LMF1: variants seen among roughly 807,000 people sequenced by gnomAD.
The protein encoded by LMF1 is transmembrane protein 112.
LMF1 carries 68 observed loss-of-function variants against 60.6 expected under a neutral mutation model. The ratio of observed to expected loss-of-function variants is 1.12; its 90% CI spans 0.92 to 1.37. The LOEUF (loss-of-function observed/expected upper bound fraction) is 1.37. LMF1 is among the 40% of genes most tolerant of loss of function. LMF1 has a pLI of 0.00. For missense variants in LMF1, 948 were observed against 767.2 expected, an observed-to-expected ratio of 1.24 and a Z score of -2.78; for synonymous variants, 418 against 324.7, an observed-to-expected ratio of 1.29 and a Z score of -3.09.
At chr16:968,895 C>G (rs941298582) in intron 1 of LMF1, 1 of 152,204 alleles carries the variant, frequency 6.6e-6, no homozygotes, top group African/African-American at 2.4e-5. Flanking sequence ...GTATCTCGGG[C>G]TCCCCTGTGG....
intron 10 of LMF1, chr16:854,966 C>T: frequency 1.8e-6 from 1 of 562,000 alleles, no homozygotes; most frequent in Non-Finnish European, 3.2e-6. Flanking sequence ...GGAGACCCAG[C>T]AGGGCCCACT....
At chr16:862,046 T>C (rs2069481413) in intron 10 of LMF1, among the ~76,000 whole-genome samples, 1 of 152,232 alleles carries the variant, frequency 6.6e-6, no homozygotes, top group Non-Finnish European at 1.5e-5. Flanking sequence ...GTGAGTTATC[T>C]TCGGTAGCTG....
chr16:947,640 T>A (rs1237787718), intron 2 of LMF1: 1 of 455,506 alleles, frequency 2.2e-6, no homozygotes, highest in Non-Finnish European at 4.4e-6. Flanking sequence ...CTGGAGAGGA[T>A]CTTTCCTTCC....
rs1215237442 is a variant in LMF1 at position 910,831 on chromosome 16, G to A, written c.663+100C>T. On this transcript the variant is annotated intron_variant, in intron 4 of 10. Coordinates refer to ENST00000262301, the MANE Select transcript of LMF1 (RefSeq NM_022773.4). ...CCAGGCCGACAGGAGGACAGAGGGCGGCGGGGGAGGAAGGAAACAGCCTCA... is the reference window on the plus strand; with the variant it reads ...CCAGGCCGACAGGAGGACAGAGGGCAGCGGGGGAGGAAGGAAACAGCCTCA... The A allele has an allele frequency of 1.9e-5, 28 of 1,472,930 alleles. No individual in the cohort carries two copies. In the East Asian group the frequency reaches 2.5e-4, roughly 13 times the overall value. 91.2% of individuals were successfully genotyped at this position (1,472,930 alleles called of 1,614,324 possible).
At chr16:949,225 C>CG (rs2072360034) in intron 2 of LMF1, among the ~76,000 whole-genome samples, 1 of 139,670 alleles carries the variant, frequency 7.2e-6, no homozygotes. Context: ...AGTCAGCCAA[C>CG]AACAGAGTCA....
intron 4 of LMF1, chr16:902,153 G>C (rs1370857361): frequency 6.6e-6 from 1 of 152,560 alleles, no homozygotes; most frequent in East Asian, 1.9e-4. Context: ...TCCAGGGCCT[G>C]AGGGGAGCTC....
intron 3 of LMF1, among the ~76,000 whole-genome samples, chr16:916,781 C>T (rs749171880): frequency 6.6e-6 from 1 of 152,264 alleles, no homozygotes; most frequent in Non-Finnish European, 1.5e-5. Flanking sequence ...CTGAGGCCTG[C>T]GGCCTTGGGA....
intron 3 of LMF1, among the ~76,000 whole-genome samples, chr16:917,255 C>T (rs747360708): frequency 6.6e-6 from 1 of 152,164 alleles, no homozygotes; most frequent in Non-Finnish European, 1.5e-5. Flanking sequence ...AGAGCACATG[C>T]TGCGCAGGCC....
Position 870,067 on chromosome 16 carries a change from C to T in LMF1, c.1233-1G>A. On this transcript the variant is annotated splice_acceptor_variant, in intron 8 of 10. Coordinates refer to ENST00000262301, the MANE Select transcript of LMF1 (RefSeq NM_022773.4). LOFTEE classifies it high-confidence loss of function. ...CACCTCCGCCCGCTCCTTGGTGATG[C>T]TGCCGGGAGACCGAGGCAGGCCAGG... 6.2e-7 allele frequency: 1 copy of T among 1,606,428 alleles called. No homozygotes were observed.
At chr16:889,049 AGCGGGCCCTTGGCCT>A (rs1186359808) in intron 5 of LMF1, among the ~76,000 whole-genome samples, 4 of 152,076 alleles carry the variant, frequency 2.6e-5, no homozygotes, top group African/African-American at 9.7e-5. Flanking sequence ...GTCTCATGGG[AGCGGGCCCTTGGCCT>A]GCGGGGTCTG....
At chr16:869,670 G>A (rs1381677746) in intron 9 of LMF1, 1 of 656,230 alleles carries the variant, frequency 1.5e-6, no homozygotes, top group Admixed American at 2.2e-5. Flanking sequence ...GCAGACCCGG[G>A]GGGACGGTGG....
At chr16:920,226 G>A (rs1207794358) in intron 3 of LMF1, among the ~76,000 whole-genome samples, 1 of 151,798 alleles carries the variant, frequency 6.6e-6, no homozygotes, top group Non-Finnish European at 1.5e-5. Flanking sequence ...CCCCCGACAC[G>A]ACATCCACAC....
At chr16:924,202 A>T (rs1008656240) in intron 3 of LMF1, among the ~76,000 whole-genome samples, 1 of 152,240 alleles carries the variant, frequency 6.6e-6, no homozygotes. Flanking sequence ...TCATAAGAGG[A>T]CATGTATACA....
intron 6 of LMF1, among the ~76,000 whole-genome samples, chr16:875,716 G>C (rs1353539268): frequency 6.6e-6 from 1 of 152,210 alleles, no homozygotes; most frequent in African/African-American, 2.4e-5. Flanking sequence ...TGCCTGGGCT[G>C]TGTGTCCAGG....
At position 884,755 on chromosome 16, in the gene LMF1, C is replaced by T. The variant is rs555396773; in HGVS notation, c.730-5018G>A. Among the ~76,000 whole-genome samples the T allele has an allele frequency of 1.0e-4, 15 of 147,888 alleles. No homozygotes were observed. In the South Asian group the frequency reaches 1.1e-3, roughly 11 times the overall value. On this transcript the variant is annotated intron_variant, in intron 5 of 10. Coordinates refer to ENST00000262301, the MANE Select transcript of LMF1 (RefSeq NM_022773.4). Reference sequence around the variant, plus strand: ...TCACGGATGGAAACCTCGGTCTCCACGCAGGAGTGAAGAGCTCTGGAAATG... The same window carrying T: ...TCACGGATGGAAACCTCGGTCTCCATGCAGGAGTGAAGAGCTCTGGAAATG...
upstream of LMF1, among the ~76,000 whole-genome samples, chr16:972,622 G>C (rs1596180315): frequency 6.6e-6 from 1 of 152,350 alleles, no homozygotes; most frequent in East Asian, 1.9e-4. Context: ...ACGGCGAGAG[G>C]GACTGCCCTG....
chr16:910,800 G>C, intron 4 of LMF1, 131 bp downstream of exon 4: 1 of 1,150,588 alleles, frequency 8.7e-7, no homozygotes, highest in Non-Finnish European at 1.2e-6. Context: ...TGCGCAGCTG[G>C]CCAGGCCAGG....
chr16:890,586 C>G (rs1463101005), intron 5 of LMF1, among the ~76,000 whole-genome samples: 1 of 152,232 alleles, frequency 6.6e-6, no homozygotes, highest in African/African-American at 2.4e-5. Flanking sequence ...ACCCTGCACT[C>G]CAGCCTCAGT....
chr16:973,213 C>T (rs954509582), upstream of LMF1, among the ~76,000 whole-genome samples: 7 of 152,064 alleles, frequency 4.6e-5, no homozygotes, highest in Admixed American at 1.3e-4. Context: ...GGTGTGGTGG[C>T]GGGCACCTGT....
Sources: gnomAD v4.1 joint callset for allele counts (sites outside exome capture counted in the v4.1 genomes callset) on GRCh38, gnomAD v4.1.1 for gene constraint, MANE v1.5 for transcripts, NCBI Gene and HGNC (gene_info 2026-07-23, HGNC 2026-07-21) for gene names.